The following GALNT13 variants were observed in gnomAD, a reference collection of about 807,000 sequenced individuals.
GALNT13 encodes the protein polypeptide N-acetylgalactosaminyltransferase 13.
In GALNT13, 28 loss-of-function variants were observed where a neutral mutation model predicts 64.2. The ratio of observed to expected loss-of-function variants is 0.44; its 90% CI spans 0.32 to 0.60. GALNT13 has a LOEUF of 0.60. Ranked by LOEUF, GALNT13 falls within the 20% of genes least tolerant of loss-of-function variation. The probability of loss-of-function intolerance (pLI) is 0.05; values close to 1 mark genes in which losing one functional copy is unlikely to be tolerated. For synonymous variants in GALNT13, 214 were observed against 224.6 expected (o/e 0.95, Z 0.42); for missense variants, 577 against 669.8 (o/e 0.86, Z 1.53).
At chr2:153,663,632 T>G in the GALNT13 span, among the ~76,000 whole-genome samples, 1 of 152,130 alleles carries the variant, frequency 6.6e-6, no homozygotes, top group Non-Finnish European at 1.5e-5. Context: ...AAAGAAAAAT[T>G]TTCTGCAGCT....
the GALNT13 span, among the ~76,000 whole-genome samples, chr2:153,722,996 A>T: frequency 6.6e-6 from 1 of 152,132 alleles, no homozygotes; most frequent in Non-Finnish European, 1.5e-5. Flanking sequence ...GCAGAGACAC[A>T]ACCAAAAGAG....
the GALNT13 span, among the ~76,000 whole-genome samples, chr2:153,116,784 G>T: frequency 7.0e-6 from 1 of 143,766 alleles, no homozygotes; most frequent in African/African-American, 2.5e-5. Flanking sequence ...AGAGATAGGT[G>T]TGTTGTCTTC....
intron 9 of GALNT13, among the ~76,000 whole-genome samples, chr2:154,345,455 G>C (rs957310832): frequency 4.6e-5 from 7 of 152,024 alleles, no homozygotes; most frequent in Non-Finnish European, 1.5e-5. Flanking sequence ...AATTTGCACT[G>C]TTCACTATAG....
At chr2:153,990,714 G>T (rs534595286) in intron 3 of GALNT13, among the ~76,000 whole-genome samples, 1 of 152,118 alleles carries the variant, frequency 6.6e-6, no homozygotes, top group Admixed American at 6.6e-5. Flanking sequence ...AGCAGTGTTA[G>T]CAACAAGTCT....
intron 3 of GALNT13, among the ~76,000 whole-genome samples, chr2:154,000,269 G>A (rs188893860): frequency 1.4e-3 from 215 of 151,160 alleles, no homozygotes; most frequent in Non-Finnish European, 2.4e-3. Context: ...AAATAACACT[G>A]TTCATCGGTC....
At chr2:153,335,406 G>T in the GALNT13 span, among the ~76,000 whole-genome samples, 1 of 152,188 alleles carries the variant, frequency 6.6e-6, no homozygotes, top group Admixed American at 6.5e-5. Context: ...ATTCTATGGT[G>T]ATATGGACAA....
At chr2:153,253,776 G>T in the GALNT13 span, among the ~76,000 whole-genome samples, 2 of 150,466 alleles carry the variant, frequency 1.3e-5, no homozygotes, top group East Asian at 3.9e-4. Context: ...TACATTTATT[G>T]ATTTGCGTAT....
chr2:153,224,488 A>G, the GALNT13 span, among the ~76,000 whole-genome samples: 2 of 59,260 alleles, frequency 3.4e-5, no homozygotes, highest in East Asian at 4.3e-4. Context: ...CTAAAATAAA[A>G]GTTGAATTTT....
At chr2:154,172,252 A>G (rs1266674666) in intron 4 of GALNT13, among the ~76,000 whole-genome samples, 1 of 152,088 alleles carries the variant, frequency 6.6e-6, no homozygotes, top group Admixed American at 6.6e-5. Flanking sequence ...ATTTGTAAAG[A>G]TCAATCCATC....
intron 11 of GALNT13, among the ~76,000 whole-genome samples, chr2:154,416,969 C>T (rs1700036433): frequency 6.6e-6 from 1 of 152,136 alleles, no homozygotes; most frequent in African/African-American, 2.4e-5. Flanking sequence ...GCCTTTTGTC[C>T]TCTAATCTCT....
chr2:154,082,056 C>A (rs2105416440), intron 3 of GALNT13, among the ~76,000 whole-genome samples: 1 of 151,848 alleles, frequency 6.6e-6, no homozygotes, highest in African/African-American at 2.4e-5. Context: ...TCCCTAGGTA[C>A]ATAACCCTAT....
rs147780431 is a variant in GALNT13, at chr2:154,019,228, C to A, written c.142+74589C>A. ...AACCAAGATATAAATTAAATCAAAG[C>A]TTACTAATACCATAATTTAAAAATC... On this transcript the variant is annotated intron_variant, in intron 3 of 12. Coordinates refer to ENST00000392825, the MANE Select transcript of GALNT13 (RefSeq NM_052917.4). Among the ~76,000 whole-genome samples, 10 of 152,236 alleles carry A rather than the reference C, an allele frequency of 6.6e-5. No homozygotes were observed. The East Asian group carries it at 1.7e-3, about 26-fold the overall frequency.
intron 11 of GALNT13, among the ~76,000 whole-genome samples, chr2:154,423,559 C>A (rs572719398): frequency 6.6e-6 from 1 of 152,284 alleles, no homozygotes; most frequent in African/African-American, 2.4e-5. Context: ...TTCTCCACAT[C>A]CTCTTCGAGC....
the GALNT13 span, among the ~76,000 whole-genome samples, chr2:153,803,445 C>A: frequency 6.6e-6 from 1 of 152,116 alleles, no homozygotes; most frequent in African/African-American, 2.4e-5. Context: ...GTAATCCCAG[C>A]ACTTTGGGAG....
At chr2:154,421,369 T>A (rs1023596012) in intron 11 of GALNT13, among the ~76,000 whole-genome samples, 2 of 152,068 alleles carry the variant, frequency 1.3e-5, no homozygotes, top group African/African-American at 4.8e-5. Flanking sequence ...CACATCGATA[T>A]GGCTAAAACA....
At chr2:153,816,427 T>C in the GALNT13 span, among the ~76,000 whole-genome samples, 10 of 151,984 alleles carry the variant, frequency 6.6e-5, no homozygotes, top group African/African-American at 1.2e-4. Context: ...GTAGAAGAAA[T>C]AGTGGGGAAG....
chr2:153,699,247 A>C, the GALNT13 span, among the ~76,000 whole-genome samples: 2 of 152,208 alleles, frequency 1.3e-5, no homozygotes, highest in African/African-American at 2.4e-5. Flanking sequence ...CTCCTGGATA[A>C]ATAACGAAAT....
chr2:153,707,755 G>A, the GALNT13 span, among the ~76,000 whole-genome samples: 194 of 152,182 alleles, frequency 1.3e-3, no homozygotes, highest in Non-Finnish European at 2.3e-3. Context: ...GACTTGAGAG[G>A]GGAACATATC....
At chr2:154,191,589 C>T (rs1182684952) in intron 4 of GALNT13, among the ~76,000 whole-genome samples, 1 of 152,176 alleles carries the variant, frequency 6.6e-6, no homozygotes, top group African/African-American at 2.4e-5. Flanking sequence ...CACTTTTCAA[C>T]TTGGAGAGAT....
Sources: allele counts gnomAD v4.1 joint callset (sites outside exome capture counted in the v4.1 genomes callset), GRCh38; gene constraint gnomAD v4.1.1; transcripts MANE v1.5; gene names NCBI Gene and HGNC (gene_info 2026-07-23, HGNC 2026-07-21).